The following GRID1 variants were observed in gnomAD, a reference collection of about 807,000 sequenced individuals.
GRID1 encodes glutamate ionotropic receptor delta type subunit 1, also known as glutamate receptor ionotropic, delta-1.
In GRID1, 28 loss-of-function variants were observed where a neutral mutation model predicts 98.0. That is an observed-to-expected ratio of 0.29 (90% CI 0.21 to 0.39). The LOEUF (loss-of-function observed/expected upper bound fraction) is 0.39. GRID1 is among the 10% of genes least tolerant of loss of function. The pLI is 1.00. For synonymous variants in GRID1, 553 were observed against 538.5 expected (o/e 1.03, Z -0.37); for missense variants, 1,111 against 1,340.5 (o/e 0.83, Z 2.67).
intron 5 of GRID1, among the ~76,000 whole-genome samples, chr10:85,877,768 G>A (rs1007365078): frequency 5.9e-5 from 9 of 152,190 alleles, no homozygotes; most frequent in Admixed American, 2.0e-4. Context: ...AAAGCTGAAC[G>A]GAGAATGACC....
At chr10:85,910,707 T>C (rs988067390) in intron 5 of GRID1, among the ~76,000 whole-genome samples, 9 of 152,180 alleles carry the variant, frequency 5.9e-5, no homozygotes, top group Admixed American at 3.3e-4. Context: ...CCCAGTGAGC[T>C]CTTCTGTGTG....
At chr10:85,872,539 A>G (rs1037785805) in intron 5 of GRID1, among the ~76,000 whole-genome samples, 2 of 152,208 alleles carry the variant, frequency 1.3e-5, no homozygotes, top group Non-Finnish European at 2.9e-5. Flanking sequence ...GTTGACTTAC[A>G]AAGTTGCACA....
At chr10:85,621,057 T>C (rs1842853443) in intron 13 of GRID1, among the ~76,000 whole-genome samples, 1 of 152,178 alleles carries the variant, frequency 6.6e-6, no homozygotes, top group Non-Finnish European at 1.5e-5. Context: ...ATTCTAACTT[T>C]GCCTGGAGTT....
At chr10:86,178,327 T>C (rs115384534) in intron 3 of GRID1, among the ~76,000 whole-genome samples, 1,863 of 152,230 alleles carry the variant, frequency 0.012, 43 homozygotes, top group African/African-American at 0.042. Flanking sequence ...AACCTTCCCC[T>C]GCCTGCCTAT....
chr10:85,610,562 T>C (rs1842721074), intron 15 of GRID1, among the ~76,000 whole-genome samples: 1 of 152,206 alleles, frequency 6.6e-6, no homozygotes, highest in Non-Finnish European at 1.5e-5. Context: ...TAGTCTTCAA[T>C]AACCAGCACC....
At chr10:86,173,836 T>G (rs1203900831) in intron 3 of GRID1, among the ~76,000 whole-genome samples, 1 of 151,556 alleles carries the variant, frequency 6.6e-6, no homozygotes, top group Non-Finnish European at 1.5e-5. Flanking sequence ...TTTGGTTTTT[T>G]GTTCTTGTGA....
At chr10:85,651,841 C>T (rs2132558137) in intron 12 of GRID1, among the ~76,000 whole-genome samples, 1 of 152,316 alleles carries the variant, frequency 6.6e-6, no homozygotes, top group East Asian at 1.9e-4. Flanking sequence ...CTTACTTCAA[C>T]TTTTGATAAT....
At chr10:86,139,204 G>A (rs916297708) in intron 3 of GRID1, among the ~76,000 whole-genome samples, 180 bp from the exon 4 acceptor site, 7 of 152,170 alleles carry the variant, frequency 4.6e-5, no homozygotes, top group South Asian at 2.1e-4. Context: ...ACCCAGCAGC[G>A]TTCACCAGTG....
At chr10:86,256,548 G>A (rs1564721015) in intron 2 of GRID1, among the ~76,000 whole-genome samples, 2 of 152,108 alleles carry the variant, frequency 1.3e-5, no homozygotes, top group African/African-American at 2.4e-5. Context: ...CAAAAGTGAC[G>A]ATTGACAGAG....
intron 4 of GRID1, among the ~76,000 whole-genome samples, chr10:85,962,455 C>T (rs1842281969): frequency 1.3e-5 from 2 of 152,260 alleles, no homozygotes; most frequent in South Asian, 4.1e-4. Flanking sequence ...TAGAACTGTC[C>T]AAAAGCTCCA....
At chr10:86,305,316 G>A (rs1339164931) in intron 2 of GRID1, among the ~76,000 whole-genome samples, 3 of 152,206 alleles carry the variant, frequency 2.0e-5, no homozygotes, top group Admixed American at 6.5e-5. Flanking sequence ...AGGAGCACAC[G>A]ACAGGTGCTG....
intron 8 of GRID1, among the ~76,000 whole-genome samples, chr10:85,785,244 T>C (rs1282749315): frequency 1.3e-5 from 2 of 152,266 alleles, no homozygotes; most frequent in Non-Finnish European, 2.9e-5. Flanking sequence ...GAATTCACTA[T>C]GCTGGTCTCT....
At chr10:85,654,662 G>A (rs1840872994) in intron 12 of GRID1, among the ~76,000 whole-genome samples, 1 of 152,162 alleles carries the variant, frequency 6.6e-6, no homozygotes, top group African/African-American at 2.4e-5. Flanking sequence ...TGAGGAGGCT[G>A]TGATAGTTGT....
At position 86,339,998 on chromosome 10, in the gene GRID1, G is replaced by A. The variant is rs377317867; in HGVS notation, c.235+23943C>T. ...ACGGGAGGGGCGGCAGTGGGGTGGG[G>A]AGCAGGGTGAAATTCTGCATGGATC... On this transcript the variant is annotated intron_variant, in intron 2 of 15. Transcript: ENST00000327946. Among the ~76,000 whole-genome samples the A allele has an allele frequency of 1.3e-4, 20 of 152,268 alleles. 1 individual carries two copies. The East Asian group carries it at 2.5e-3, about 19-fold the overall frequency.
intron 8 of GRID1, among the ~76,000 whole-genome samples, chr10:85,816,881 C>T: frequency 6.6e-6 from 1 of 152,092 alleles, no homozygotes; most frequent in East Asian, 1.9e-4. Flanking sequence ...AAGTAGACCC[C>T]AGAATCTGTT....
At chr10:86,055,550 C>T (rs189605901) in intron 4 of GRID1, among the ~76,000 whole-genome samples, 4 of 152,228 alleles carry the variant, frequency 2.6e-5, no homozygotes, top group Non-Finnish European at 1.5e-5. Context: ...TGAGACCAGC[C>T]TGGCCAACAT....
intron 4 of GRID1, among the ~76,000 whole-genome samples, chr10:86,028,060 A>C (rs1262218077): frequency 6.6e-6 from 1 of 152,166 alleles, no homozygotes; most frequent in Non-Finnish European, 1.5e-5. Context: ...CAAAGATGTG[A>C]GGGGACTCTT....
At position 85,801,912 on chromosome 10, in the gene GRID1, C is replaced by G. The variant is rs183222384; in HGVS notation, c.1233+52584G>C. Reference sequence around the variant, plus strand: ...AAATAATCTTGAGAAAAACTATTAGCTATAAGAGATGAATTTAGATAAACA... The same window carrying G: ...AAATAATCTTGAGAAAAACTATTAGGTATAAGAGATGAATTTAGATAAACA... On this transcript the variant is annotated intron_variant, in intron 8 of 15. Transcript: ENST00000327946. Among the ~76,000 whole-genome samples the G allele has an allele frequency of 5.8e-3, 880 of 151,968 alleles. 34 individuals are homozygous for G. The highest frequency in any genetic ancestry group is 0.053 in the Admixed American group (804 of 15,258).
intron 11 of GRID1, 51 bp from the exon 12 acceptor site, chr10:85,723,192 T>G (rs752661214): frequency 6.5e-7 from 1 of 1,544,098 alleles, no homozygotes; most frequent in Admixed American, 1.8e-5. Context: ...CTCTCCCTCC[T>G]ATCCCCAGGG....
Sources: allele counts gnomAD v4.1 joint callset (sites outside exome capture counted in the v4.1 genomes callset), GRCh38; gene constraint gnomAD v4.1.1; transcripts MANE v1.5; gene names NCBI Gene and HGNC (gene_info 2026-07-23, HGNC 2026-07-21).